The following CIB2 variants were observed in gnomAD, a reference collection of about 807,000 sequenced individuals.
The protein encoded by CIB2 is calcium and integrin-binding family member 2.
Under a neutral mutation model 23.1 loss-of-function variants are expected in CIB2, and 19 were observed. The observed-to-expected ratio is 0.82, with a 90% confidence interval of 0.57 to 1.21. The LOEUF (loss-of-function observed/expected upper bound fraction) is 1.21. CIB2 is among the 50% of genes most tolerant of loss of function. The probability of loss-of-function intolerance (pLI) is 0.00; values close to 1 mark genes in which losing one functional copy is unlikely to be tolerated. For missense variants in CIB2, 220 were observed against 241.5 expected (o/e 0.91, Z 0.59); for synonymous variants, 94 against 91.7 (o/e 1.03, Z -0.14).
chr15:78,118,815 A>G (rs1290671425), intron 2 of CIB2, among the ~76,000 whole-genome samples: 1 of 152,114 alleles, frequency 6.6e-6, no homozygotes, highest in Non-Finnish European at 1.5e-5. Flanking sequence ...GAAACTCTGT[A>G]CTAATCAATA....
chr15:78,128,235 C>T (rs2074407591), intron 1 of CIB2, among the ~76,000 whole-genome samples: 1 of 152,242 alleles, frequency 6.6e-6, no homozygotes, highest in East Asian at 1.9e-4. Flanking sequence ...AGAGGTGAGG[C>T]CTGGCCTGGA....
chr15:78,109,648 T>A, intron 3 of CIB2: 1 of 502,704 alleles, frequency 2.0e-6, no homozygotes, highest in South Asian at 2.0e-5. Flanking sequence ...TGTCACATCA[T>A]TAAGATGGGC....
intron 5 of CIB2, 92 bp downstream of exon 5, chr15:78,105,647 C>T (rs749469186): frequency 3.7e-6 from 6 of 1,600,010 alleles, no homozygotes; most frequent in Non-Finnish European, 5.1e-6. Flanking sequence ...CACACCACTG[C>T]TCACAAATAG....
At chr15:78,126,971 C>G (rs1195395699) in intron 1 of CIB2, among the ~76,000 whole-genome samples, 1 of 152,124 alleles carries the variant, frequency 6.6e-6, no homozygotes, top group South Asian at 2.1e-4. Flanking sequence ...TAGTCAGGGT[C>G]AAATTCTAGT....
At chr15:78,115,676 C>CTTTTT (rs56754406) in intron 2 of CIB2, among the ~76,000 whole-genome samples, 108 of 71,296 alleles carry the variant, frequency 1.5e-3, no homozygotes, top group East Asian at 3.9e-3. Context: ...ATCTCCTTCT[C>CTTTTT]TTTTTTTTTT....
At chr15:78,117,246 CAAAAAAAAAA>C (rs60332437) in intron 2 of CIB2, among the ~76,000 whole-genome samples, 2,909 of 55,516 alleles carry the variant, frequency 0.052, 100 homozygotes, top group Admixed American at 0.076. Context: ...AAGCTACTGG[CAAAAAAAAAA>C]AAAAAAAAAA....
chr15:78,106,945 G>T (rs2074079805), intron 4 of CIB2, among the ~76,000 whole-genome samples: 1 of 152,080 alleles, frequency 6.6e-6, no homozygotes, highest in Non-Finnish European at 1.5e-5. Context: ...AAACAGAGAG[G>T]TGGCCAGGCG....
chr15:78,106,002 T>A, intron 4 of CIB2, 68 bp from the exon 5 acceptor site: 1 of 1,330,286 alleles, frequency 7.5e-7, no homozygotes, highest in Non-Finnish European at 1.1e-6. Flanking sequence ...ACACTATAGC[T>A]CTTCCTCCTA....
chr15:78,109,900 G>A (rs527522563), intron 3 of CIB2, among the ~76,000 whole-genome samples: 76 of 151,632 alleles, frequency 5.0e-4, no homozygotes, highest in Middle Eastern at 3.4e-3. Flanking sequence ...GCACAGATTC[G>A]TCCTGTTACC....
chr15:78,124,794 A>C (rs1481336425), intron 1 of CIB2, among the ~76,000 whole-genome samples: 1 of 152,168 alleles, frequency 6.6e-6, no homozygotes, highest in Non-Finnish European at 1.5e-5. Context: ...GAATGGCTGA[A>C]ACTCAGGCCT....
rs145689043 is a variant in CIB2, at chr15:78,118,114, G to A, written c.86+5591C>T. On this transcript the variant is annotated intron_variant, in intron 2 of 5. Transcript: ENST00000258930. ...TATCTAATGATATTGAAAGTTGTTC[G>A]CAAGATGTTAAATGAAAAAAGCAGA... Among the ~76,000 whole-genome samples the A allele has an allele frequency of 1.2e-4, 18 of 152,106 alleles. No individual in the cohort carries two copies. The East Asian group carries it at 2.7e-3, about 23-fold the overall frequency.
intron 2 of CIB2, among the ~76,000 whole-genome samples, chr15:78,119,005 C>A (rs1258681901): frequency 6.6e-6 from 1 of 152,060 alleles, no homozygotes; most frequent in Non-Finnish European, 1.5e-5. Context: ...ACAAGGTGAA[C>A]CCCATCTCTA....
chr15:78,122,676 G>C (rs1041628704), intron 2 of CIB2, among the ~76,000 whole-genome samples: 1 of 152,256 alleles, frequency 6.6e-6, no homozygotes, highest in Non-Finnish European at 1.5e-5. Context: ...CTCAGGGAAG[G>C]TCAAATGGTT....
chr15:78,127,625 G>T (rs755432479), intron 1 of CIB2, among the ~76,000 whole-genome samples: 3 of 152,126 alleles, frequency 2.0e-5, no homozygotes, highest in Non-Finnish European at 4.4e-5. Context: ...ACTCAAGGGT[G>T]ACTTGTTCCA....
intron 4 of CIB2, 99 bp from the exon 5 acceptor site, chr15:78,106,033 C>G (rs2074065898): frequency 8.5e-6 from 8 of 937,622 alleles, no homozygotes; most frequent in Non-Finnish European, 1.2e-5. Context: ...CTACCTCCAC[C>G]AGCTTCTGAT....
intron 1 of CIB2, among the ~76,000 whole-genome samples, chr15:78,128,910 T>C (rs1468220745): frequency 1.3e-5 from 2 of 152,114 alleles, no homozygotes; most frequent in East Asian, 1.9e-4. Context: ...GTCACAGGCC[T>C]TGTTCTTAAC....
chr15:78,107,389 G>A (rs573985787), intron 4 of CIB2, among the ~76,000 whole-genome samples: 45 of 152,288 alleles, frequency 3.0e-4, no homozygotes, highest in African/African-American at 7.2e-4. Context: ...TATGCGTCAG[G>A]GAGTATTCAT....
chr15:78,105,524 C>T (rs928225435), intron 5 of CIB2, 192 bp from the exon 6 acceptor site: 1 of 1,482,972 alleles, frequency 6.7e-7, no homozygotes, highest in Non-Finnish European at 8.9e-7. Context: ...GTTCTGCCCC[C>T]ACTTATCACT....
At position 78,131,291 on chromosome 15, in the gene CIB2, C is replaced by G; in HGVS notation, c.-76G>C. ...GGCCGCCAGACCCGGAGCCAGCGCC[C>G]CGTGCCCGCGGCCCTCGGCAGCCCC... On this transcript the variant is annotated 5_prime_UTR_variant, in exon 1 of 6. Transcript: ENST00000258930. The surrounding 1 kb of genome is among the most constrained non-coding windows in gnomAD (Gnocchi z 5.8). 1 of 1,173,532 alleles carries G rather than the reference C, an allele frequency of 8.5e-7. No individual in the cohort carries two copies. The highest frequency in any genetic ancestry group is 1.1e-6 in the Non-Finnish European group (1 of 940,630). 72.7% of individuals were successfully genotyped at this position (1,173,532 alleles called of 1,614,324 possible).
Sources: gnomAD v4.1 joint callset for allele counts (sites outside exome capture counted in the v4.1 genomes callset) on GRCh38, gnomAD v4.1.1 for gene constraint, Gnocchi (gnomAD v3.1) non-coding constraint, MANE v1.5 for transcripts, NCBI Gene and HGNC (gene_info 2026-07-23, HGNC 2026-07-21) for gene names.